Variants in STPG2 observed in about 807,000 individuals in gnomAD.
STPG2 encodes the protein sperm-tail PG-rich repeat-containing protein 2.
A neutral mutation model predicts 54.2 loss-of-function variants in STPG2; 56 were observed. The ratio of observed to expected loss-of-function variants is 1.03; its 90% CI spans 0.83 to 1.29. The LOEUF (loss-of-function observed/expected upper bound fraction) is 1.29, where lower values mean the gene tolerates loss of function less well. STPG2 is among the 50% of genes most tolerant of loss of function. STPG2 has a pLI of 0.00. For synonymous variants in STPG2, 200 were observed against 181.8 expected (o/e 1.10, Z -0.81); for missense variants, 596 against 544.9 (o/e 1.09, Z -0.93).
chr4:97,853,235 G>A (rs1289674921), intron 8 of STPG2, among the ~76,000 whole-genome samples: 1 of 151,488 alleles, frequency 6.6e-6, no homozygotes, highest in Non-Finnish European at 1.5e-5. Flanking sequence ...CAAAGTGCTG[G>A]GATTACAGGC....
intron 9 of STPG2, among the ~76,000 whole-genome samples, chr4:97,787,138 A>G (rs1023496564): frequency 6.6e-6 from 1 of 152,104 alleles, no homozygotes; most frequent in Non-Finnish European, 1.5e-5. Flanking sequence ...TTTACTACAT[A>G]CAAAATCGTA....
intron 8 of STPG2, among the ~76,000 whole-genome samples, chr4:97,878,522 C>T (rs1207168202): frequency 1.3e-5 from 2 of 152,216 alleles, no homozygotes; most frequent in African/African-American, 2.4e-5. Flanking sequence ...GCTGCCAAGG[C>T]TTGGAGCATG....
chr4:97,695,168 T>A (rs28874284), intron 10 of STPG2, among the ~76,000 whole-genome samples: 91,151 of 151,314 alleles, frequency 0.6, 28,002 homozygotes, highest in African/African-American at 0.72. Flanking sequence ...GTTTCATATC[T>A]GGGATGCAGG....
chr4:98,044,468 A>G (rs537432356), intron 5 of STPG2, among the ~76,000 whole-genome samples: 1 of 152,200 alleles, frequency 6.6e-6, no homozygotes, highest in East Asian at 1.9e-4. Context: ...GATTTTCTCT[A>G]CCTTTCTGCA....
chr4:97,565,142 CT>C (rs1335368435), intron 10 of STPG2, among the ~76,000 whole-genome samples: 4 of 151,914 alleles, frequency 2.6e-5, no homozygotes, highest in African/African-American at 9.7e-5. Flanking sequence ...TCTTTTTATT[CT>C]TTTTTCTCTA....
intron 4 of STPG2, among the ~76,000 whole-genome samples, chr4:97,480,680 T>C (rs890329156): frequency 1.3e-5 from 2 of 151,570 alleles, no homozygotes; most frequent in Non-Finnish European, 3.0e-5. Flanking sequence ...CTGTGACTAA[T>C]AATGTTAAAT....
chr4:97,882,524 C>T (rs1730415345), intron 8 of STPG2, among the ~76,000 whole-genome samples: 1 of 152,106 alleles, frequency 6.6e-6, no homozygotes, highest in African/African-American at 2.4e-5. Flanking sequence ...CAGCCAGATA[C>T]CCAAGGTCAT....
At chr4:97,611,138 T>C (rs1266497731) in intron 10 of STPG2, among the ~76,000 whole-genome samples, 1 of 152,000 alleles carries the variant, frequency 6.6e-6, no homozygotes, top group Admixed American at 6.6e-5. Flanking sequence ...CAAACGTGTG[T>C]TTTTAATCTT....
chr4:97,601,799 T>C (rs926532765), intron 10 of STPG2, among the ~76,000 whole-genome samples: 44 of 152,048 alleles, frequency 2.9e-4, no homozygotes, highest in African/African-American at 8.9e-4. Flanking sequence ...ATATTCTTTA[T>C]AATTGCAAAT....
intron 9 of STPG2, among the ~76,000 whole-genome samples, chr4:97,833,397 A>G (rs996694684): frequency 2.0e-5 from 3 of 152,226 alleles, no homozygotes; most frequent in Admixed American, 1.3e-4. Context: ...TAAAACCATA[A>G]AAACCCCAGA....
At chr4:97,528,259 C>A (rs1050828541) in intron 4 of STPG2, among the ~76,000 whole-genome samples, 3 of 152,128 alleles carry the variant, frequency 2.0e-5, no homozygotes, top group Non-Finnish European at 2.9e-5. Flanking sequence ...AATAGGGAAT[C>A]TTTTCCCCAT....
intron 5 of STPG2, among the ~76,000 whole-genome samples, chr4:98,024,222 C>T (rs566339305): frequency 1.3e-5 from 2 of 152,308 alleles, no homozygotes; most frequent in South Asian, 4.2e-4. Context: ...CATGTAGTAT[C>T]TTTATAGCAC....
intron 4 of STPG2, among the ~76,000 whole-genome samples, chr4:97,502,295 A>G (rs1433326515): frequency 6.6e-6 from 1 of 152,014 alleles, no homozygotes; most frequent in Non-Finnish European, 1.5e-5. Context: ...AAAAAAAAAT[A>G]CCTTAGGCAA....
At chr4:97,988,550 G>T (rs940329461) in intron 5 of STPG2, among the ~76,000 whole-genome samples, 5 of 152,146 alleles carry the variant, frequency 3.3e-5, no homozygotes, top group Non-Finnish European at 7.3e-5. Context: ...TGAATTTGAT[G>T]ATGGGTTCCT....
intron 8 of STPG2, among the ~76,000 whole-genome samples, chr4:97,919,043 T>C (rs1470309820): frequency 6.6e-6 from 1 of 152,192 alleles, no homozygotes. Context: ...GAAGTATGCT[T>C]GAAATCAATA....
chr4:97,982,130 C>A (rs1055430217), intron 5 of STPG2, among the ~76,000 whole-genome samples: 1 of 151,844 alleles, frequency 6.6e-6, no homozygotes, highest in Admixed American at 6.6e-5. Flanking sequence ...GTGATTTGCC[C>A]GTCTCAGCCT....
intron 10 of STPG2, among the ~76,000 whole-genome samples, chr4:97,649,821 AG>A (rs570530688): frequency 2.6e-5 from 4 of 152,084 alleles, no homozygotes; most frequent in Non-Finnish European, 4.4e-5. Flanking sequence ...TCCACAGACC[AG>A]GGGGGACGGC....
rs114653094 is a variant in STPG2, at chr4:97,621,382, C to A, written c.1321-62265G>T. Among the ~76,000 whole-genome samples the A allele has an allele frequency of 4.8e-3, 734 of 152,054 alleles. 7 individuals carry two copies. Among genetic ancestry groups the A allele is most frequent in the African/African-American group, 0.017 (688 of 41,502 alleles). On this transcript the variant is annotated intron_variant, in intron 10 of 10. Transcript: ENST00000295268. Reference sequence around the variant, plus strand: ...AGTTTGAAAACATTACTAAGATTGACAGACCACTAGCTAGACTAATAAAGA... The same window carrying A: ...AGTTTGAAAACATTACTAAGATTGAAAGACCACTAGCTAGACTAATAAAGA...
chr4:97,936,831 T>A (rs1732761486), intron 8 of STPG2, among the ~76,000 whole-genome samples: 1 of 152,198 alleles, frequency 6.6e-6, no homozygotes. Flanking sequence ...CATTTCAACC[T>A]TAGAGAATCT....
Sources: gnomAD v4.1 joint callset for allele counts (sites outside exome capture counted in the v4.1 genomes callset) on GRCh38, gnomAD v4.1.1 for gene constraint, MANE v1.5 for transcripts, NCBI Gene and HGNC (gene_info 2026-07-23, HGNC 2026-07-21) for gene names.